The following WWOX variants were observed in gnomAD, a reference collection of about 807,000 sequenced individuals.
WWOX encodes WW domain containing oxidoreductase, also known as WW domain-containing oxidoreductase.
WWOX carries 69 observed loss-of-function variants against 46.2 expected under a neutral mutation model. The observed-to-expected ratio is 1.49, with a 90% CI of 1.23 to 1.82. The LOEUF is 1.82. WWOX is among the 40% of genes most tolerant of loss of function. WWOX has a pLI of 0.00. For missense variants in WWOX, 919 were observed against 542.6 expected (o/e 1.69, Z -6.89); for synonymous variants, 359 against 202.6 (o/e 1.77, Z -6.56).
intron 8 of WWOX, among the ~76,000 whole-genome samples, chr16:78,873,835 G>GT (rs200850795): frequency 6.6e-6 from 1 of 152,028 alleles, no homozygotes; most frequent in Non-Finnish European, 1.5e-5. Context: ...GGAAGGCTAT[G>GT]TTTTTTTGCC....
intron 5 of WWOX, among the ~76,000 whole-genome samples, chr16:78,194,761 G>T (rs916818882): frequency 6.0e-5 from 9 of 150,422 alleles, no homozygotes; most frequent in Admixed American, 6.0e-4. Context: ...TCCTTTGGAT[G>T]TTATCCCTGC....
chr16:78,808,205 A>G (rs2051093442), intron 8 of WWOX, among the ~76,000 whole-genome samples: 2 of 152,090 alleles, frequency 1.3e-5, no homozygotes, highest in African/African-American at 4.8e-5. Flanking sequence ...CCCTCTGAAT[A>G]TGCTCCTCCT....
intron 8 of WWOX, among the ~76,000 whole-genome samples, chr16:79,030,386 C>A (rs2047729013): frequency 6.6e-6 from 1 of 152,146 alleles, no homozygotes; most frequent in African/African-American, 2.4e-5. Flanking sequence ...TCAAGACTAC[C>A]CAGCACTTCA....
intron 5 of WWOX, among the ~76,000 whole-genome samples, chr16:78,181,281 C>T (rs989058555): frequency 2.0e-5 from 3 of 151,838 alleles, no homozygotes; most frequent in Admixed American, 6.6e-5. Context: ...ATCGTGGTGA[C>T]GGTGTGTGTG....
At chr16:78,370,074 G>A (rs1160284819) in intron 5 of WWOX, among the ~76,000 whole-genome samples, 1 of 128,014 alleles carries the variant, frequency 7.8e-6, no homozygotes, top group Middle Eastern at 7.6e-3. Context: ...GGAGCTTGCA[G>A]CCAGCCAAGA....
rs542668812 is a variant in WWOX, at chr16:78,157,623, A to G, written c.410-6560A>G. 2.0e-5 allele frequency among the ~76,000 whole-genome samples: 3 copies of G among 152,350 alleles called. No individual in the cohort carries two copies. The South Asian group carries it at 6.2e-4, about 32-fold the overall frequency. ...GGTCATCTTTAGGTAATAAGTAAGTATTTTGGAATATGGGATTTGGCAAAA... is the reference window on the plus strand; with the variant it reads ...GGTCATCTTTAGGTAATAAGTAAGTGTTTTGGAATATGGGATTTGGCAAAA... On this transcript the variant is annotated intron_variant, in intron 4 of 8. Transcript: ENST00000566780.
chr16:78,137,587 G>A (rs576779182), intron 4 of WWOX, among the ~76,000 whole-genome samples: 9 of 152,178 alleles, frequency 5.9e-5, no homozygotes, highest in South Asian at 2.1e-4. Context: ...GGGAATTACC[G>A]TTTTTCTTTG....
At chr16:78,875,009 A>T (rs1431397165) in intron 8 of WWOX, among the ~76,000 whole-genome samples, 1 of 152,114 alleles carries the variant, frequency 6.6e-6, no homozygotes, top group Non-Finnish European at 1.5e-5. Context: ...CTCTTAAAGG[A>T]ATCTTTCAAT....
intron 8 of WWOX, among the ~76,000 whole-genome samples, chr16:78,879,378 C>G (rs2044296637): frequency 6.6e-6 from 1 of 152,088 alleles, no homozygotes; most frequent in Non-Finnish European, 1.5e-5. Flanking sequence ...TTTCAAATGT[C>G]TTATTTCAAA....
chr16:79,093,671 G>T (rs765270171), intron 8 of WWOX, among the ~76,000 whole-genome samples: 1 of 152,154 alleles, frequency 6.6e-6, no homozygotes, highest in Admixed American at 6.5e-5. Flanking sequence ...CACACTTCCT[G>T]TCGAGGCACA....
intron 8 of WWOX, among the ~76,000 whole-genome samples, chr16:78,650,248 A>C (rs952596966): frequency 6.6e-6 from 1 of 152,200 alleles, no homozygotes; most frequent in Non-Finnish European, 1.5e-5. Flanking sequence ...GTGTTTCTCT[A>C]ATTTCTTCAG....
chr16:78,448,764 C>T (rs2083618974), intron 8 of WWOX, among the ~76,000 whole-genome samples: 1 of 152,150 alleles, frequency 6.6e-6, no homozygotes, highest in Non-Finnish European at 1.5e-5. Context: ...TTGAAATGGG[C>T]AGTGAACTTC....
At chr16:78,997,058 T>A (rs529450543) in intron 8 of WWOX, among the ~76,000 whole-genome samples, 1 of 152,314 alleles carries the variant, frequency 6.6e-6, no homozygotes, top group South Asian at 2.1e-4. Flanking sequence ...ACAGAGCGGC[T>A]GTCAGATTCC....
intron 8 of WWOX, among the ~76,000 whole-genome samples, chr16:78,476,242 T>C (rs544180829): frequency 1.3e-5 from 2 of 152,240 alleles, no homozygotes; most frequent in Admixed American, 6.5e-5. Flanking sequence ...GAGCATTGTT[T>C]CATGTGTCTG....
At chr16:78,398,678 T>G (rs112380484) in intron 6 of WWOX, among the ~76,000 whole-genome samples, 11 of 152,334 alleles carry the variant, frequency 7.2e-5, no homozygotes, top group African/African-American at 2.4e-4. Context: ...CATCTTGGTC[T>G]TAGCTTGTAA....
rs568212100 is a variant in WWOX, at chr16:78,672,457, C to T, written c.1056+239705C>T. Reference sequence around the variant, plus strand: ...AGACTGGAATGTGGGTGTGTGCACTCCTCATGTTCCGGTTTCTGTGATCAT... The same window carrying T: ...AGACTGGAATGTGGGTGTGTGCACTTCTCATGTTCCGGTTTCTGTGATCAT... On this transcript the variant is annotated intron_variant, in intron 8 of 8. Coordinates refer to ENST00000566780, the MANE Select transcript of WWOX (RefSeq NM_016373.4). Among the ~76,000 whole-genome samples the T allele has an allele frequency of 3.9e-5, 6 of 152,266 alleles. No homozygotes were observed. The South Asian group carries it at 1.2e-3, about 32-fold the overall frequency.
intron 1 of WWOX, among the ~76,000 whole-genome samples, chr16:78,104,408 G>A (rs935147924): frequency 3.9e-5 from 6 of 152,136 alleles, no homozygotes; most frequent in African/African-American, 1.4e-4. Flanking sequence ...GGAGGCCAAG[G>A]TGGGAGGATC....
intron 8 of WWOX, among the ~76,000 whole-genome samples, chr16:79,010,485 G>A (rs1038611136): frequency 2.0e-5 from 3 of 152,190 alleles, no homozygotes; most frequent in African/African-American, 7.2e-5. Flanking sequence ...TGGCGGGACA[G>A]CTCCAGGCCC....
At chr16:79,152,104 C>T (rs1007209534) in intron 8 of WWOX, among the ~76,000 whole-genome samples, 6 of 152,162 alleles carry the variant, frequency 3.9e-5, no homozygotes, top group Non-Finnish European at 5.9e-5. Flanking sequence ...AGAAGTTTAT[C>T]CTCTACTTTT....
Sources: allele counts gnomAD v4.1 joint callset (sites outside exome capture counted in the v4.1 genomes callset), GRCh38; gene constraint gnomAD v4.1.1; transcripts MANE v1.5; gene names NCBI Gene and HGNC (gene_info 2026-07-23, HGNC 2026-07-21).